The following CCDC3 variants were observed in gnomAD, a reference collection of about 807,000 sequenced individuals.
CCDC3 encodes the protein coiled-coil domain containing 3, also known as coiled-coil domain-containing protein 3.
In CCDC3, 24 loss-of-function variants were observed where a neutral mutation model predicts 21.4. The observed-to-expected ratio is 1.12, with a 90% CI of 0.81 to 1.58. CCDC3 has a LOEUF of 1.58. CCDC3 is among the 40% of genes most tolerant of loss of function. The pLI is 0.00. For missense variants in CCDC3, 425 were observed against 360.9 expected (o/e 1.18, Z -1.44); for synonymous variants, 186 against 166.0 (o/e 1.12, Z -0.93).
intron 1 of CCDC3, among the ~76,000 whole-genome samples, chr10:12,999,884 T>C (rs1226235741): frequency 6.6e-6 from 1 of 152,234 alleles, no homozygotes; most frequent in East Asian, 1.9e-4. Flanking sequence ...AAGGGCACTC[T>C]CTCAGTCTCA....
At position 12,921,905 on chromosome 10, in the gene CCDC3, G is replaced by T. The variant is rs187885089; in HGVS notation, c.550-23226C>A. Among the ~76,000 whole-genome samples, 194 of 152,260 alleles carry T rather than the reference G, an allele frequency of 1.3e-3. 7 individuals carry two copies. Among genetic ancestry groups the T allele is most frequent in the Admixed American group, 0.011 (161 of 15,294 alleles). Reference sequence around the variant, plus strand: ...CTACAGGTGTGGGCCACCATGCCTGGCTAATTTTATGTAGAGATGGGTCTT... The same window carrying T: ...CTACAGGTGTGGGCCACCATGCCTGTCTAATTTTATGTAGAGATGGGTCTT... On this transcript the variant is annotated intron_variant, in intron 2 of 2. Coordinates refer to ENST00000378825, the MANE Select transcript of CCDC3 (RefSeq NM_031455.4).
chr10:12,977,103 A>G (rs10796000), intron 2 of CCDC3, among the ~76,000 whole-genome samples: 86,748 of 151,854 alleles, frequency 0.57, 24,820 homozygotes, highest in South Asian at 0.67. Context: ...GTGAAACCCC[A>G]TCTCTACCAA....
rs562510730 is a variant in CCDC3 at position 12,897,887 on chromosome 10, G to A, written c.*529C>T. The stretch of plus-strand genomic sequence containing the variant: ...AGGAAAATGCTGGCTGGATAGGGAG[G>A]CCCTGCACGTGCTGATTTTCAGGCA... On this transcript the variant is annotated 3_prime_UTR_variant, in exon 3 of 3. Coordinates refer to ENST00000378825, the MANE Select transcript of CCDC3 (RefSeq NM_031455.4). 1 of 153,448 alleles carries A rather than the reference G, an allele frequency of 6.5e-6. No homozygotes were observed. Among genetic ancestry groups the A allele is most frequent in the East Asian group, 1.9e-4 (1 of 5,204 alleles). The allele number at this position is 153,448 out of a possible 1,614,324, so 9.5% of individuals were successfully genotyped here. A position where few individuals can be genotyped will look rare whatever the true frequency, so the allele number is the denominator to read the frequency against.
At chr10:13,049,784 C>T (rs562030393) in exon 5 of CCDC3, 67 of 152,270 alleles carry the variant, frequency 4.4e-4, no homozygotes, top group African/African-American at 1.5e-3. Context: ...CCATCGACAC[C>T]TCAGACCACC....
chr10:12,976,222 C>T lies in CCDC3; in HGVS notation c.549+22116G>A, dbSNP rs541873067. Among the ~76,000 whole-genome samples, 3 of 152,342 alleles carry T rather than the reference C, an allele frequency of 2.0e-5. No individual in the cohort carries two copies. The South Asian group carries it at 6.2e-4, about 32-fold the overall frequency. On this transcript the variant is annotated intron_variant, in intron 2 of 2. Coordinates refer to ENST00000378825, the MANE Select transcript of CCDC3 (RefSeq NM_031455.4). ...GGCATGGGCAGCAGGGAAGGGCAAC[C>T]TGCAGTCAGGAAATGAGCATGTAGC...
chr10:13,064,626 A>T (rs2119098), intron 4 of CCDC3, among the ~76,000 whole-genome samples: 49,989 of 151,936 alleles, frequency 0.33, 8,523 homozygotes, highest in African/African-American at 0.39. Context: ...CTACTAAAAA[A>T]ATATAAAAAA....
chr10:12,927,552 A>C lies in CCDC3; in HGVS notation c.550-28873T>G, dbSNP rs150354789. Among the ~76,000 whole-genome samples, 216 of 152,196 alleles carry C rather than the reference A, an allele frequency of 1.4e-3. 1 individual carries two copies. The highest frequency in any genetic ancestry group is 5.4e-3 in the East Asian group (28 of 5,192). ...GTTTTTGTAAAGCCACTGATTTCTT[A>C]TGAGAAACTGGTTCATTTATGCTAC... On this transcript the variant is annotated intron_variant, in intron 2 of 2. Transcript: ENST00000378825.
chr10:12,999,983 G>A (rs949784088), intron 1 of CCDC3, among the ~76,000 whole-genome samples: 1 of 152,174 alleles, frequency 6.6e-6, no homozygotes, highest in Non-Finnish European at 1.5e-5. Flanking sequence ...CCAACACAAA[G>A]CAAGACGTGT....
At chr10:13,055,019 G>A (rs1374823245) in intron 4 of CCDC3, among the ~76,000 whole-genome samples, 1 of 152,184 alleles carries the variant, frequency 6.6e-6, no homozygotes, top group Admixed American at 6.5e-5. Flanking sequence ...CAGATCAACA[G>A]CTCTGCCCCA....
chr10:13,038,925 T>C (rs887347778), intron 5 of CCDC3, among the ~76,000 whole-genome samples: 25 of 152,180 alleles, frequency 1.6e-4, no homozygotes, highest in Non-Finnish European at 3.1e-4. Flanking sequence ...TTAGCTCCCA[T>C]TGGGCGACTT....
intron 5 of CCDC3, among the ~76,000 whole-genome samples, chr10:13,043,838 G>A (rs1277551808): frequency 1.3e-5 from 2 of 152,088 alleles, no homozygotes; most frequent in African/African-American, 4.8e-5. Context: ...TAACTTTTTG[G>A]TGGAATGATT....
At chr10:12,955,749 ATTTT>A (rs1157194185) in intron 2 of CCDC3, among the ~76,000 whole-genome samples, 2 of 150,426 alleles carry the variant, frequency 1.3e-5, no homozygotes, top group African/African-American at 4.9e-5. Flanking sequence ...TTGTTTATTT[ATTTT>A]ATTTTTTGAG....
At chr10:12,972,313 T>A (rs1835355969) in intron 2 of CCDC3, among the ~76,000 whole-genome samples, 1 of 152,160 alleles carries the variant, frequency 6.6e-6, no homozygotes, top group South Asian at 2.1e-4. Flanking sequence ...ACCTGGAGAC[T>A]CATCCCTGCC....
At chr10:12,998,783 C>T (rs907828317) in intron 1 of CCDC3, among the ~76,000 whole-genome samples, 1 of 152,156 alleles carries the variant, frequency 6.6e-6, no homozygotes. Flanking sequence ...CTTCCAAGTC[C>T]CCCAAGGGGT....
At chr10:13,078,945 G>A (rs1214249291) in intron 3 of CCDC3, among the ~76,000 whole-genome samples, 5 of 152,004 alleles carry the variant, frequency 3.3e-5, no homozygotes, top group African/African-American at 1.2e-4. Flanking sequence ...CACCAACATG[G>A]CACATGTATA....
chr10:13,021,950 G>A (rs1243934981), intron 5 of CCDC3, among the ~76,000 whole-genome samples: 1 of 151,998 alleles, frequency 6.6e-6, no homozygotes, highest in African/African-American at 2.4e-5. Context: ...AATAGAGACG[G>A]GGTTTCACCA....
intron 2 of CCDC3, 64 bp from the exon 3 acceptor site, chr10:12,898,743 G>T (rs1393234225): frequency 1.9e-6 from 3 of 1,566,888 alleles, no homozygotes; most frequent in Non-Finnish European, 2.6e-6. Context: ...GCGGCCAGGG[G>T]AGTCCCAGAA....
At chr10:13,029,868 G>A (rs1474418105) in intron 5 of CCDC3, among the ~76,000 whole-genome samples, 1 of 152,178 alleles carries the variant, frequency 6.6e-6, no homozygotes, top group Admixed American at 6.5e-5. Flanking sequence ...GGTCTGATTG[G>A]TATACCTGAA....
intron 1 of CCDC3, among the ~76,000 whole-genome samples, chr10:13,000,826 G>A (rs1835837047): frequency 6.6e-6 from 1 of 152,170 alleles, no homozygotes; most frequent in African/African-American, 2.4e-5. Context: ...CAAAATGCCA[G>A]CCACAGACTG....
Sources: allele counts gnomAD v4.1 joint callset (sites outside exome capture counted in the v4.1 genomes callset), GRCh38; gene constraint gnomAD v4.1.1; transcripts MANE v1.5; gene names NCBI Gene and HGNC (gene_info 2026-07-23, HGNC 2026-07-21).